Variants in BICD1 observed in about 807,000 individuals in gnomAD.
BICD1 encodes protein bicaudal D homolog 1.
BICD1 carries 35 observed loss-of-function variants against 92.5 expected under a neutral mutation model. The observed-to-expected ratio is 0.38, with a 90% CI of 0.29 to 0.50. The LOEUF is 0.50. Among genes scored for constraint, BICD1 ranks in the 20% least tolerant of loss-of-function variants. The pLI, the probability that BICD1 is intolerant of heterozygous loss-of-function variation, is 0.93. For missense variants in BICD1, 950 were observed against 1,189.8 expected, an observed-to-expected ratio of 0.80 and a Z score of 2.97; for synonymous variants, 429 against 465.1, an observed-to-expected ratio of 0.92 and a Z score of 1.00.
chr12:32,229,162 A>C (rs551714426), intron 2 of BICD1, among the ~76,000 whole-genome samples: 35 of 152,206 alleles, frequency 2.3e-4, no homozygotes, highest in African/African-American at 8.4e-4. Context: ...GAAGCAAGAG[A>C]ATTGCTTGAA....
intron 1 of BICD1, among the ~76,000 whole-genome samples, chr12:32,194,580 G>A (rs536977296): frequency 2.6e-5 from 4 of 152,212 alleles, no homozygotes; most frequent in African/African-American, 9.6e-5. Flanking sequence ...ATTTACAATA[G>A]CATCAGAAAG....
intron 1 of BICD1, among the ~76,000 whole-genome samples, chr12:32,206,204 A>G (rs1033084191): frequency 2.0e-5 from 3 of 152,246 alleles, no homozygotes; most frequent in African/African-American, 7.2e-5. Flanking sequence ...TGGATAAATA[A>G]ATACCTAGGA....
chr12:32,272,005 C>T (rs891334761), intron 2 of BICD1, among the ~76,000 whole-genome samples: 3 of 152,066 alleles, frequency 2.0e-5, no homozygotes, highest in African/African-American at 7.2e-5. Context: ...CCTCAGTTTA[C>T]CCATTATTGT....
intron 8 of BICD1, 37 bp downstream of exon 8, chr12:32,339,016 G>C (rs201660119): frequency 5.1e-6 from 8 of 1,559,192 alleles, no homozygotes; most frequent in Non-Finnish European, 6.9e-6. Flanking sequence ...TGATGCAAAT[G>C]ATTAGTTGAA....
chr12:32,325,391 C>CT (rs1199105656), intron 4 of BICD1, among the ~76,000 whole-genome samples: 1 of 152,166 alleles, frequency 6.6e-6, no homozygotes, highest in Non-Finnish European at 1.5e-5. Context: ...ATTTTATAGA[C>CT]TGAAGTGCTG....
At chr12:32,339,335 T>C (rs918063886) in intron 8 of BICD1, 9 of 1,004,074 alleles carry the variant, frequency 9.0e-6, no homozygotes, top group Middle Eastern at 5.0e-4. Flanking sequence ...TTCTCTCTTA[T>C]CGTTTTTAAT....
chr12:32,336,970 G>A (rs539024636), intron 6 of BICD1, among the ~76,000 whole-genome samples: 5 of 152,202 alleles, frequency 3.3e-5, no homozygotes, highest in South Asian at 2.1e-4. Context: ...ATGACTGGGC[G>A]TGGTGGCTCA....
chr12:32,376,875 A>AG (rs1939990849), intron 9 of BICD1, among the ~76,000 whole-genome samples: 3 of 112,432 alleles, frequency 2.7e-5, no homozygotes, highest in African/African-American at 3.5e-5. Context: ...CTAAAAAAAA[A>AG]AGGGGGGGGG....
chr12:32,337,815 A>C lies in BICD1; in HGVS notation c.2569A>C (p.Arg857=), dbSNP rs1938198214. ...GGTCAGCAGTGGCACTCAGAGGAAA[A>C]GGTATGCATGCAGCGATCTTCATAG... ...IRVSSGTQRK[R]QFSPSLCDQS... The change falls in exon 7 of 10, where the codon AGA becomes CGA. Residue 857 remains arginine, a splice_region_variant and synonymous_variant. Coordinates refer to ENST00000652176, the MANE Select transcript of BICD1 (RefSeq NM_001714.4). The surrounding 1 kb of genome is among the most constrained non-coding windows in gnomAD (Gnocchi z 4.7). The C allele has an allele frequency of 6.2e-7, 1 of 1,614,052 alleles. No individual in the cohort carries two copies.
chr12:32,185,415 G>A (rs1449449261), intron 1 of BICD1, among the ~76,000 whole-genome samples: 1 of 152,204 alleles, frequency 6.6e-6, no homozygotes, highest in African/African-American at 2.4e-5. Flanking sequence ...ATAAAGGTTT[G>A]TCTTTCATGC....
At chr12:32,248,806 G>C (rs560992304) in intron 2 of BICD1, among the ~76,000 whole-genome samples, 4 of 152,230 alleles carry the variant, frequency 2.6e-5, no homozygotes, top group East Asian at 3.9e-4. Context: ...CAGCAAAGAG[G>C]GGGGTCTGGA....
intron 3 of BICD1, among the ~76,000 whole-genome samples, chr12:32,297,139 T>C (rs1469832118): frequency 6.6e-6 from 1 of 152,214 alleles, no homozygotes; most frequent in Non-Finnish European, 1.5e-5. Context: ...TTGTTTCCAG[T>C]AGTAACTGAT....
chr12:32,227,513 C>G (rs1393626838), intron 2 of BICD1: 3 of 152,498 alleles, frequency 2.0e-5, no homozygotes, highest in Non-Finnish European at 4.4e-5. Flanking sequence ...TTCTGTGGCT[C>G]TGGCTTTGGC....
intron 1 of BICD1, among the ~76,000 whole-genome samples, chr12:32,156,420 A>G (rs189423197): frequency 6.6e-6 from 1 of 152,296 alleles, no homozygotes; most frequent in Admixed American, 6.5e-5. Context: ...AAAGAGATAT[A>G]GCCGAGGGCA....
intron 1 of BICD1, among the ~76,000 whole-genome samples, chr12:32,195,902 A>G (rs1010626612): frequency 2.0e-5 from 3 of 152,234 alleles, no homozygotes. Context: ...TAATATCCAA[A>G]ATATATAAGG....
chr12:32,259,396 C>T (rs1470295092), intron 2 of BICD1, among the ~76,000 whole-genome samples: 1 of 152,162 alleles, frequency 6.6e-6, no homozygotes. Context: ...AGATTGATTA[C>T]GATCTATGTA....
chr12:32,115,751 G>T (rs1941869069), intron 1 of BICD1, among the ~76,000 whole-genome samples: 1 of 152,160 alleles, frequency 6.6e-6, no homozygotes, highest in South Asian at 2.1e-4. Context: ...CAGTTTTGTG[G>T]GTAAATTAGC....
chr12:32,262,693 AAGACAG>A (rs1946888275), intron 2 of BICD1, among the ~76,000 whole-genome samples: 1 of 152,220 alleles, frequency 6.6e-6, no homozygotes, highest in African/African-American at 2.4e-5. Flanking sequence ...TGGCCATGTG[AAGACAG>A]AGACAGAGAT....
At chr12:32,246,730 A>G (rs1207513116) in intron 2 of BICD1, among the ~76,000 whole-genome samples, 1 of 152,186 alleles carries the variant, frequency 6.6e-6, no homozygotes, top group Non-Finnish European at 1.5e-5. Context: ...GCATTCATCA[A>G]ATATTCATTG....
Sources: gnomAD v4.1 joint callset for allele counts (sites outside exome capture counted in the v4.1 genomes callset) on GRCh38, gnomAD v4.1.1 for gene constraint, Gnocchi (gnomAD v3.1) non-coding constraint, MANE v1.5 for transcripts, NCBI Gene and HGNC (gene_info 2026-07-23, HGNC 2026-07-21) for gene names.